NAALADL2: variants seen among roughly 807,000 people sequenced by gnomAD.
NAALADL2 encodes inactive N-acetylated-alpha-linked acidic dipeptidase-like protein 2.
In NAALADL2, 76 loss-of-function variants were observed where a neutral mutation model predicts 87.2. The observed-to-expected ratio is 0.87, with a 90% CI of 0.72 to 1.05. The LOEUF is 1.05. Ranked by LOEUF, NAALADL2 falls within the 50% of genes least tolerant of loss-of-function variation. NAALADL2 has a pLI of 0.00. For missense variants in NAALADL2, 1,089 were observed against 945.8 expected (o/e 1.15, Z -1.99); for synonymous variants, 354 against 331.0 (o/e 1.07, Z -0.75).
intron 2 of NAALADL2, among the ~76,000 whole-genome samples, chr3:174,654,098 G>T (rs183070919): frequency 0.015 from 2,205 of 149,104 alleles, 23 homozygotes; most frequent in Non-Finnish European, 0.023. Flanking sequence ...GTGTGTGTGT[G>T]TGTTAGAAAT....
intron 1 of NAALADL2, among the ~76,000 whole-genome samples, chr3:174,539,711 T>G (rs567912227): frequency 1.3e-5 from 2 of 152,220 alleles, no homozygotes; most frequent in East Asian, 3.9e-4. Context: ...TCAGCTCTCA[T>G]TTTTTTAAAT....
chr3:175,334,186 T>C (rs1003590282), intron 5 of NAALADL2, among the ~76,000 whole-genome samples: 1 of 152,180 alleles, frequency 6.6e-6, no homozygotes, highest in Non-Finnish European at 1.5e-5. Context: ...GCTAGACTTA[T>C]TGACTATTGT....
intron 9 of NAALADL2, among the ~76,000 whole-genome samples, chr3:175,564,339 G>A (rs1380542254): frequency 6.6e-6 from 1 of 151,976 alleles, no homozygotes; most frequent in African/African-American, 2.4e-5. Context: ...AAAAATACGT[G>A]ATTTTTTTAA....
At chr3:174,936,513 T>A (rs1737711108) in intron 1 of NAALADL2, among the ~76,000 whole-genome samples, 1 of 152,140 alleles carries the variant, frequency 6.6e-6, no homozygotes. Context: ...TTATATGTTA[T>A]ATTACTAAAG....
intron 10 of NAALADL2, among the ~76,000 whole-genome samples, chr3:175,617,452 A>G (rs528785691): frequency 3.0e-4 from 45 of 152,202 alleles, no homozygotes; most frequent in Non-Finnish European, 6.0e-4. Flanking sequence ...GACAGGGTGG[A>G]GGCGGCTTCC....
chr3:175,497,413 A>G (rs2149359718), intron 9 of NAALADL2, among the ~76,000 whole-genome samples: 1 of 152,348 alleles, frequency 6.6e-6, no homozygotes, highest in Admixed American at 6.5e-5. Context: ...AATGTGTAAT[A>G]TTTTAATACT....
intron 1 of NAALADL2, among the ~76,000 whole-genome samples, chr3:175,011,291 A>C (rs1749782127): frequency 6.8e-6 from 1 of 146,318 alleles, no homozygotes; most frequent in South Asian, 2.2e-4. Context: ...AGAGAGAGAG[A>C]GAGAGAGAGA....
At chr3:174,683,718 AAATAT>A (rs1298024294) in intron 2 of NAALADL2, among the ~76,000 whole-genome samples, 1 of 66,272 alleles carries the variant, frequency 1.5e-5, no homozygotes, top group Non-Finnish European at 3.0e-5. Context: ...TTGCCCTGCA[AAATAT>A]AAGAGAAGAA....
chr3:175,682,649 T>C (rs968358479), intron 11 of NAALADL2, among the ~76,000 whole-genome samples: 3 of 152,058 alleles, frequency 2.0e-5, no homozygotes, highest in African/African-American at 7.2e-5. Context: ...ATTTTTGAAA[T>C]CAATGCATAG....
At chr3:175,329,034 C>A (rs1323341175) in intron 5 of NAALADL2, among the ~76,000 whole-genome samples, 1 of 152,050 alleles carries the variant, frequency 6.6e-6, no homozygotes, top group Non-Finnish European at 1.5e-5. Context: ...TTAATAATTT[C>A]TCTTCTGAAT....
intron 2 of NAALADL2, among the ~76,000 whole-genome samples, chr3:174,558,012 C>T (rs1242735608): frequency 6.6e-6 from 1 of 152,124 alleles, no homozygotes; most frequent in African/African-American, 2.4e-5. Context: ...AGGGAGGCAC[C>T]CTCTGCCTGG....
At chr3:175,304,485 A>T (rs1757459180) in intron 4 of NAALADL2, among the ~76,000 whole-genome samples, 1 of 152,196 alleles carries the variant, frequency 6.6e-6, no homozygotes, top group African/African-American at 2.4e-5. Flanking sequence ...AGACAAAATG[A>T]CACATGCCTG....
At chr3:175,101,226 G>A (rs986895442) in intron 2 of NAALADL2, among the ~76,000 whole-genome samples, 1 of 152,138 alleles carries the variant, frequency 6.6e-6, no homozygotes, top group Admixed American at 6.6e-5. Flanking sequence ...TTTTATATTT[G>A]CATCTTTTCC....
Position 175,256,446 on chromosome 3 carries a change from T to G in NAALADL2, c.855T>G (p.Asp285Glu), listed in dbSNP as rs545047681. Reference sequence around the variant, plus strand: ...TCGATGTGAGTTATGGAATGGCAGATGATTTAAAAAGGATTAGGAAAATAA... The same window carrying G: ...TCGATGTGAGTTATGGAATGGCAGAGGATTTAAAAAGGATTAGGAAAATAA... ...EVIDVSYGMA[D>E]DLKRIRKIKN... Residue 285 changes from aspartate (D) to glutamate (E), a missense_variant, in exon 4 of 14, where the codon GAT (aspartate) becomes GAG (glutamate). Coordinates refer to ENST00000454872, the MANE Select transcript of NAALADL2 (RefSeq NM_207015.3). 4 of 1,610,924 alleles carry G rather than the reference T, an allele frequency of 2.5e-6. No individual in the cohort carries two copies. Among genetic ancestry groups the G allele is most frequent in the Non-Finnish European group, 2.5e-6 (3 of 1,178,526 alleles).
intron 11 of NAALADL2, among the ~76,000 whole-genome samples, chr3:175,733,749 T>C (rs184026400): frequency 6.6e-6 from 1 of 150,810 alleles, no homozygotes; most frequent in East Asian, 1.9e-4. Context: ...AGTTAGTTAC[T>C]TCTTAGATAC....
At chr3:174,602,598 T>G (rs1327695478) in intron 2 of NAALADL2, among the ~76,000 whole-genome samples, 3 of 151,434 alleles carry the variant, frequency 2.0e-5, no homozygotes, top group African/African-American at 7.2e-5. Flanking sequence ...GTTTTCCAAT[T>G]TGGATGCCCT....
At chr3:174,662,639 G>A (rs1578465513) in intron 2 of NAALADL2, among the ~76,000 whole-genome samples, 1 of 152,302 alleles carries the variant, frequency 6.6e-6, no homozygotes, top group East Asian at 1.9e-4. Flanking sequence ...AAACTTTGAC[G>A]TGATGAGATG....
chr3:175,237,344 A>C (rs889898906), intron 3 of NAALADL2, among the ~76,000 whole-genome samples: 3 of 152,136 alleles, frequency 2.0e-5, no homozygotes, highest in Non-Finnish European at 4.4e-5. Context: ...TTTCAAATTT[A>C]GCAGTCATTG....
chr3:174,686,177 G>A (rs77381183), intron 2 of NAALADL2, among the ~76,000 whole-genome samples: 3,672 of 151,962 alleles, frequency 0.024, 83 homozygotes, highest in South Asian at 0.09. Context: ...TCCTTTGGGC[G>A]TATACCCTTT....
Sources: allele counts gnomAD v4.1 joint callset (sites outside exome capture counted in the v4.1 genomes callset), GRCh38; gene constraint gnomAD v4.1.1; transcripts MANE v1.5; gene names NCBI Gene and HGNC (gene_info 2026-07-23, HGNC 2026-07-21).